Variants in HYDIN observed in about 807,000 individuals in gnomAD.
The protein encoded by HYDIN is axonemal central pair apparatus protein HYDIN.
In HYDIN, 132 loss-of-function variants were observed where a neutral mutation model predicts 403.9. The observed-to-expected ratio is 0.33, with a 90% confidence interval of 0.28 to 0.38. HYDIN has a LOEUF of 0.38. Among genes scored for constraint, HYDIN ranks in the 10% least tolerant of loss-of-function variants. HYDIN has a pLI of 1.00. For missense variants in HYDIN, 2,827 were observed against 5,009.5 expected, an observed-to-expected ratio of 0.56 and a Z score of 13.15; for synonymous variants, 1,202 against 1,891.7, an observed-to-expected ratio of 0.64 and a Z score of 9.46.
chr16:71,165,473 G>A (rs974583258), intron 5 of HYDIN, among the ~76,000 whole-genome samples: 1 of 150,114 alleles, frequency 6.7e-6, no homozygotes, highest in African/African-American at 2.5e-5. Context: ...GTCTTGCCCA[G>A]AGCCATCTAG....
intron 8 of HYDIN, among the ~76,000 whole-genome samples, chr16:71,133,479 T>C (rs187514534): frequency 2.4e-4 from 37 of 152,324 alleles, no homozygotes; most frequent in Middle Eastern, 3.4e-3. Context: ...GGTGGTAGGC[T>C]CAAAGCCCAA....
In HYDIN at chr16:71,207,385, TTTG is replaced by T. The variant is rs375191417; in HGVS notation, c.-23-20470_-23-20468del. ...TTCAGACAAGCAAATGCTGACAGAA[TTTG>T]TTACTATCACAACTGCCTTACAAGA... On this transcript the variant is annotated intron_variant, in intron 1 of 85. Coordinates refer to ENST00000393567, the MANE Select transcript of HYDIN (RefSeq NM_001270974.2). Among the ~76,000 whole-genome samples the T allele has an allele frequency of 1.6e-3, 240 of 152,284 alleles. 1 individual carries two copies. Among genetic ancestry groups the T allele is most frequent in the African/African-American group, 5.6e-3 (234 of 41,570 alleles).
At chr16:70,938,469 G>T (rs2077565292) in intron 44 of HYDIN, 145 bp downstream of exon 44, 2 of 723,778 alleles carry the variant, frequency 2.8e-6, no homozygotes, top group African/African-American at 1.8e-5. Context: ...GCATCTTTCT[G>T]CTCCTTGCAG....
At chr16:70,979,943 C>T (rs1367321031) in intron 29 of HYDIN, among the ~76,000 whole-genome samples, 1 of 152,010 alleles carries the variant, frequency 6.6e-6, no homozygotes, top group Non-Finnish European at 1.5e-5. Flanking sequence ...AACAAACAAA[C>T]AAACAAAAAG....
At chr16:70,980,013 A>G (rs1290548965) in intron 29 of HYDIN, among the ~76,000 whole-genome samples, 1 of 151,804 alleles carries the variant, frequency 6.6e-6, no homozygotes, top group African/African-American at 2.4e-5. Context: ...AGAAGACCCA[A>G]CTAATGGTGT....
chr16:70,886,817 A>AT (rs1555557438), intron 58 of HYDIN, among the ~76,000 whole-genome samples: 3 of 151,410 alleles, frequency 2.0e-5, no homozygotes, highest in East Asian at 1.9e-4. Context: ...TGTGTTCAAG[A>AT]TTTTTTTTTC....
chr16:71,085,978 T>C (rs896843418), intron 12 of HYDIN, among the ~76,000 whole-genome samples: 15 of 152,266 alleles, frequency 9.9e-5, no homozygotes, highest in African/African-American at 3.4e-4. Context: ...TAACTTTTAA[T>C]TGAAGTATTT....
intron 13 of HYDIN, among the ~76,000 whole-genome samples, chr16:71,078,969 G>C (rs1166552695): frequency 6.6e-6 from 1 of 152,160 alleles, no homozygotes; most frequent in Non-Finnish European, 1.5e-5. Flanking sequence ...GTGCAGCTTG[G>C]TTGTGGCCAC....
chr16:71,103,104 G>A (rs1488246929), intron 10 of HYDIN, among the ~76,000 whole-genome samples: 4 of 118,396 alleles, frequency 3.4e-5, no homozygotes, highest in Non-Finnish European at 6.6e-5. Flanking sequence ...GAACCTGACT[G>A]TTTCTGAGAG....
At chr16:71,186,044 A>C (rs1247359781) in intron 2 of HYDIN, among the ~76,000 whole-genome samples, 1 of 152,178 alleles carries the variant, frequency 6.6e-6, no homozygotes, top group Admixed American at 6.5e-5. Flanking sequence ...TTGTGATTTA[A>C]ATTAAAATAA....
intron 53 of HYDIN, among the ~76,000 whole-genome samples, chr16:70,900,331 G>C (rs555977607): frequency 6.6e-6 from 1 of 151,556 alleles, no homozygotes; most frequent in African/African-American, 2.4e-5. Flanking sequence ...CAAAAAGTTA[G>C]CTGGGTGTAG....
intron 4 of HYDIN, among the ~76,000 whole-genome samples, chr16:71,176,623 G>T (rs1310224490): frequency 1.3e-5 from 2 of 152,140 alleles, no homozygotes; most frequent in Non-Finnish European, 2.9e-5. Context: ...GGATGGTCCT[G>T]AGTAAACACC....
intron 18 of HYDIN, among the ~76,000 whole-genome samples, chr16:71,054,220 A>G (rs2081779823): frequency 6.6e-6 from 1 of 152,296 alleles, no homozygotes; most frequent in African/African-American, 2.4e-5. Flanking sequence ...CATCAGAAAC[A>G]AAAAGAATAT....
chr16:71,000,003 C>A (rs535063290), intron 23 of HYDIN, among the ~76,000 whole-genome samples: 3 of 151,650 alleles, frequency 2.0e-5, no homozygotes, highest in African/African-American at 7.2e-5. Flanking sequence ...TGAAATCTCC[C>A]TTATCAGCTT....
In HYDIN at chr16:70,903,905, CT is replaced by C. The variant is rs1310657949; in HGVS notation, c.8675del (p.Gln2892ArgfsTer3). ...GTGACTTGTGTCCACATGACCGTAC[CT>C]GCTTCTCATTGGGTTTCAGGACCAT... ...NTMVLKPNEK[Q>X]ILNVWAYPTS... On this transcript the variant is annotated frameshift_variant and splice_region_variant, in exon 51 of 86. Coordinates refer to ENST00000393567, the MANE Select transcript of HYDIN (RefSeq NM_001270974.2). LOFTEE classifies it high-confidence loss of function. 16 of 618,052 alleles carry C rather than the reference CT, an allele frequency of 2.6e-5. No individual in the cohort carries two copies. The highest frequency in any genetic ancestry group is 3.9e-5 in the Non-Finnish European group (15 of 385,016). 38.3% of individuals were successfully genotyped at this position (618,052 alleles called of 1,614,324 possible). A position where few individuals can be genotyped will look rare whatever the true frequency, so the allele number is the denominator to read the frequency against.
chr16:70,989,127 G>A (rs1275679051), intron 25 of HYDIN, among the ~76,000 whole-genome samples: 1 of 152,146 alleles, frequency 6.6e-6, no homozygotes, highest in South Asian at 2.1e-4. Context: ...GCAGTGGCAT[G>A]ATCAGAGCTC....
intron 10 of HYDIN, among the ~76,000 whole-genome samples, chr16:71,108,188 G>A (rs2083687831): frequency 6.6e-6 from 1 of 152,126 alleles, no homozygotes. Context: ...GGTGAGAGGA[G>A]GAAGAGGATC....
At chr16:70,822,446 G>A (rs966846452) in intron 83 of HYDIN, among the ~76,000 whole-genome samples, 6 of 152,018 alleles carry the variant, frequency 3.9e-5, no homozygotes, top group African/African-American at 1.4e-4. Context: ...TTTATTCATG[G>A]TGAAGATGCC....
rs1229749744 is a variant in HYDIN, at chr16:70,992,144, G to C, written c.3711C>G (p.Thr1237=). 1 of 1,612,288 alleles carries C rather than the reference G, an allele frequency of 6.2e-7. No homozygotes were observed. Among genetic ancestry groups the C allele is most frequent in the South Asian group, 1.1e-5 (1 of 90,868 alleles). ...TTGCTGGTGGGCTGGCAGCCTCTGA[G>C]GTTGCTGGGATGGACTCCATCTGGG... ...PVSQMESIPA[T]SEAASPPAIL... Residue 1237 remains threonine (T), a synonymous_variant, in exon 24 of 86, where the codon ACC becomes ACG. Transcript: ENST00000393567.
Sources: gnomAD v4.1 joint callset for allele counts (sites outside exome capture counted in the v4.1 genomes callset) on GRCh38, gnomAD v4.1.1 for gene constraint, MANE v1.5 for transcripts, NCBI Gene and HGNC (gene_info 2026-07-23, HGNC 2026-07-21) for gene names.